Variants in KCNU1 observed in about 807,000 individuals in gnomAD.
KCNU1 encodes potassium calcium-activated channel subfamily U member 1, also known as potassium channel subfamily U member 1.
KCNU1 carries 93 observed loss-of-function variants against 126.8 expected under a neutral mutation model. The ratio of observed to expected loss-of-function variants is 0.73; its 90% CI spans 0.62 to 0.87. KCNU1 has a LOEUF of 0.87. Ranked by LOEUF, KCNU1 falls within the 40% of genes least tolerant of loss-of-function variation. KCNU1 has a pLI of 0.00. For missense variants in KCNU1, 1,330 were observed against 1,367.1 expected (o/e 0.97, Z 0.43); for synonymous variants, 523 against 494.2 (o/e 1.06, Z -0.77).
rs191972327 is a variant in KCNU1 at position 36,816,425 on chromosome 8, G to T, written c.995+738G>T. The stretch of plus-strand genomic sequence containing the variant: ...ATCCCTGTCTGCTGTAATGAAAGAG[G>T]CATAATGGAGATAGGCTCCCTGAAA... On this transcript the variant is annotated intron_variant, in intron 9 of 26. Coordinates refer to ENST00000399881, the MANE Select transcript of KCNU1 (RefSeq NM_001031836.3). Among the ~76,000 whole-genome samples the T allele has an allele frequency of 3.9e-5, 6 of 152,258 alleles. No individual in the cohort carries two copies. The East Asian group carries it at 1.2e-3, about 29-fold the overall frequency.
intron 10 of KCNU1, among the ~76,000 whole-genome samples, chr8:36,830,401 A>G (rs1164797007): frequency 6.6e-6 from 1 of 151,966 alleles, no homozygotes; most frequent in Non-Finnish European, 1.5e-5. Flanking sequence ...CATGAGTTGT[A>G]TTTCTTAACT....
Position 36,805,246 on chromosome 8 carries a change from GGT to G in KCNU1, c.430_431del (p.Val144PhefsTer6). 6.2e-7 allele frequency: 1 copy of G among 1,608,894 alleles called. No homozygotes were observed. Among genetic ancestry groups the G allele is most frequent in the Non-Finnish European group, 8.5e-7 (1 of 1,177,054 alleles). On this transcript the variant is annotated frameshift_variant, in exon 4 of 27. Transcript: ENST00000399881. LOFTEE classifies it high-confidence loss of function. ...AAGACAAAACCATTCCTATTGATTT[GGT>G]TTTCAATGCTTTCTTTAGTTTCTAT... ...YEDKTIPIDL[V>X]FNAFFSFYFG...
intron 20 of KCNU1, among the ~76,000 whole-genome samples, chr8:36,908,272 A>G (rs1462104848): frequency 6.6e-6 from 1 of 152,150 alleles, no homozygotes; most frequent in African/African-American, 2.4e-5. Flanking sequence ...AGTATATTCC[A>G]TGCATATTCT....
At chr8:36,906,536 T>C (rs1287997013) in intron 20 of KCNU1, among the ~76,000 whole-genome samples, 3 of 152,164 alleles carry the variant, frequency 2.0e-5, no homozygotes, top group Non-Finnish European at 4.4e-5. Flanking sequence ...ACCTTACAAG[T>C]AGTAGCTGAT....
intron 19 of KCNU1, among the ~76,000 whole-genome samples, chr8:36,888,267 G>T (rs1349392337): frequency 6.6e-6 from 1 of 152,056 alleles, no homozygotes; most frequent in East Asian, 1.9e-4. Flanking sequence ...GAAATCCTAA[G>T]AAATAATCAA....
intron 19 of KCNU1, among the ~76,000 whole-genome samples, chr8:36,897,037 G>A (rs1401208317): frequency 1.3e-5 from 2 of 151,982 alleles, no homozygotes; most frequent in Non-Finnish European, 2.9e-5. Context: ...AACTAGTGGT[G>A]AACCATGGGG....
intron 22 of KCNU1, among the ~76,000 whole-genome samples, chr8:36,913,217 T>C (rs772825283): frequency 6.6e-6 from 1 of 152,086 alleles, no homozygotes; most frequent in Non-Finnish European, 1.5e-5. Context: ...AAAATATTGA[T>C]TTTTTATGAT....
Position 36,834,810 on chromosome 8 carries a change from A to T in KCNU1, c.1237A>T (p.Ile413Phe), listed in dbSNP as rs377269265. 3.1e-6 allele frequency: 5 copies of T among 1,611,990 alleles called. No homozygotes were observed. The East Asian group carries it at 1.1e-4, about 36-fold the overall frequency. Residue 413 changes from isoleucine (I) to phenylalanine (F), a missense_variant, in exon 12 of 27, where the codon ATT becomes TTT. This residue lies in a region of KCNU1 where 1,054 missense variants were observed against 1,053.9 expected (regional missense o/e 1.00). Coordinates refer to ENST00000399881, the MANE Select transcript of KCNU1 (RefSeq NM_001031836.3). Reference sequence around the variant, plus strand: ...GGTGGAATCTGCAGAGGCATGCCTGATTATAGCCAATCCTTTGTGCAGTGA... The same window carrying T: ...GGTGGAATCTGCAGAGGCATGCCTGTTTATAGCCAATCCTTTGTGCAGTGA... The part of the protein sequence containing the change: ...VAVESAEACL[I>F]IANPLCSDSH...
At chr8:36,819,983 C>G (rs1804062264) in intron 10 of KCNU1, among the ~76,000 whole-genome samples, 1 of 152,154 alleles carries the variant, frequency 6.6e-6, no homozygotes, top group Non-Finnish European at 1.5e-5. Flanking sequence ...CCAGCTTCCA[C>G]TTAGAGCCCT....
chr8:36,830,594 G>C (rs1179532380), intron 10 of KCNU1, among the ~76,000 whole-genome samples: 1 of 151,982 alleles, frequency 6.6e-6, no homozygotes, highest in Non-Finnish European at 1.5e-5. Flanking sequence ...AGAAAAATGA[G>C]ATTATGGGTT....
At chr8:36,851,426 C>T (rs968977440) in intron 18 of KCNU1, among the ~76,000 whole-genome samples, 1 of 147,334 alleles carries the variant, frequency 6.8e-6, no homozygotes, top group African/African-American at 2.4e-5. Context: ...TCTCCTACCA[C>T]CATGTGAAGA....
intron 19 of KCNU1, among the ~76,000 whole-genome samples, chr8:36,904,972 G>A (rs146358937): frequency 4.3e-4 from 65 of 152,186 alleles, no homozygotes; most frequent in African/African-American, 1.4e-3. Flanking sequence ...TCTAATCCTC[G>A]ATTTTCTGTA....
intron 10 of KCNU1, among the ~76,000 whole-genome samples, chr8:36,827,715 C>T (rs1234094581): frequency 2.6e-5 from 4 of 152,084 alleles, no homozygotes; most frequent in Admixed American, 6.6e-5. Flanking sequence ...TCTCACTTTT[C>T]CACATATGCT....
At chr8:36,926,883 C>T (rs1476769531) in intron 24 of KCNU1, among the ~76,000 whole-genome samples, 1 of 152,126 alleles carries the variant, frequency 6.6e-6, no homozygotes, top group East Asian at 1.9e-4. Flanking sequence ...CAGATGCATT[C>T]AGGACAGGCT....
intron 6 of KCNU1, among the ~76,000 whole-genome samples, 183 bp from the exon 7 acceptor site, chr8:36,808,535 T>A (rs1369524476): frequency 6.6e-6 from 1 of 152,130 alleles, no homozygotes; most frequent in African/African-American, 2.4e-5. Flanking sequence ...GAGAATCTTG[T>A]ACCAATGCAG....
intron 19 of KCNU1, among the ~76,000 whole-genome samples, chr8:36,896,957 A>G (rs1051484830): frequency 3.3e-5 from 5 of 152,030 alleles, no homozygotes; most frequent in Non-Finnish European, 7.4e-5. Context: ...TTCACAGTAC[A>G]CAATTTTTCA....
At chr8:36,832,833 T>C (rs532496447) in intron 10 of KCNU1, among the ~76,000 whole-genome samples, 8 of 152,136 alleles carry the variant, frequency 5.3e-5, no homozygotes, top group Non-Finnish European at 1.2e-4. Flanking sequence ...CGGCTGTTGC[T>C]GTATCTCAAA....
At chr8:36,849,105 G>T (rs902817571) in intron 18 of KCNU1, among the ~76,000 whole-genome samples, 2 of 151,972 alleles carry the variant, frequency 1.3e-5, no homozygotes, top group African/African-American at 4.8e-5. Context: ...ATAGCCAATA[G>T]AAGTCACTCT....
At chr8:36,835,461 C>T (rs1804714095) in intron 12 of KCNU1, among the ~76,000 whole-genome samples, 1 of 152,018 alleles carries the variant, frequency 6.6e-6, no homozygotes, top group Non-Finnish European at 1.5e-5. Flanking sequence ...TCTGCCTCAG[C>T]CTTCCAAGTA....
Sources: gnomAD v4.1 joint callset for allele counts (sites outside exome capture counted in the v4.1 genomes callset) on GRCh38, gnomAD v4.1.1 for gene constraint, gnomAD v4.1.1 regional missense constraint, MANE v1.5 for transcripts, NCBI Gene and HGNC (gene_info 2026-07-23, HGNC 2026-07-21) for gene names.